The following WDFY3 variants were observed in gnomAD, a reference collection of about 807,000 sequenced individuals.
WDFY3 encodes the protein WD repeat and FYVE domain containing 3.
In WDFY3, 66 loss-of-function variants were observed where a neutral mutation model predicts 409.6. The observed-to-expected ratio is 0.16, with a 90% CI of 0.13 to 0.20. The LOEUF is 0.20. Among genes scored for constraint, WDFY3 ranks in the 10% least tolerant of loss-of-function variants. The pLI is 1.00. For synonymous variants in WDFY3, 1,521 were observed against 1,537.1 expected (o/e 0.99, Z 0.25); for missense variants, 3,031 against 4,298.1 (o/e 0.71, Z 8.24).
intron 2 of WDFY3, among the ~76,000 whole-genome samples, chr4:84,921,646 ATTTTTTTTTTTTT>A (rs747576197): frequency 7.2e-4 from 57 of 78,682 alleles, no homozygotes; most frequent in African/African-American, 3.1e-3. Context: ...TATTGCTTTC[ATTTTTTTTTTTTT>A]TTTTTTTTTT....
At chr4:84,857,913 C>A (rs548318888) in intron 4 of WDFY3, among the ~76,000 whole-genome samples, 4 of 152,126 alleles carry the variant, frequency 2.6e-5, no homozygotes. Context: ...CCTATACAAA[C>A]CTCAATCTCA....
At chr4:84,708,771 G>T (rs368783912) in intron 53 of WDFY3, 138 bp downstream of exon 53, 3 of 875,312 alleles carry the variant, frequency 3.4e-6, no homozygotes, top group South Asian at 4.4e-5. Flanking sequence ...AAAATCCTGG[G>T]CTCAAGTGAT....
At chr4:84,862,685 T>C (rs1231957489) in intron 3 of WDFY3, among the ~76,000 whole-genome samples, 1 of 152,026 alleles carries the variant, frequency 6.6e-6, no homozygotes, top group Non-Finnish European at 1.5e-5. Flanking sequence ...CTCCAACACT[T>C]CAAAAAAAAT....
intron 53 of WDFY3, among the ~76,000 whole-genome samples, chr4:84,706,490 T>C (rs537099131): frequency 4.1e-5 from 6 of 146,238 alleles, no homozygotes; most frequent in Admixed American, 2.1e-4. Context: ...TACGATTGAG[T>C]AGGGTCAAAC....
At chr4:84,917,006 G>A (rs901601922) in intron 2 of WDFY3, among the ~76,000 whole-genome samples, 12 of 152,058 alleles carry the variant, frequency 7.9e-5, no homozygotes, top group Middle Eastern at 6.8e-3. Flanking sequence ...TACATGAAAC[G>A]AAGTATATAT....
At chr4:84,705,284 G>A in intron 54 of WDFY3, 110 bp downstream of exon 54, 1 of 799,350 alleles carries the variant, frequency 1.3e-6, no homozygotes, top group Non-Finnish European at 2.1e-6. Flanking sequence ...AATACATATA[G>A]ATATGATATA....
At chr4:84,812,425 T>C (rs1752657311) in intron 13 of WDFY3, among the ~76,000 whole-genome samples, 1 of 152,106 alleles carries the variant, frequency 6.6e-6, no homozygotes, top group African/African-American at 2.4e-5. Context: ...GGGGTCATAT[T>C]CTGACTCCAA....
At chr4:84,774,030 A>G (rs1000215608) in intron 29 of WDFY3, among the ~76,000 whole-genome samples, 10 of 152,186 alleles carry the variant, frequency 6.6e-5, no homozygotes, top group Non-Finnish European at 1.3e-4. Flanking sequence ...CCCCAGGTTT[A>G]AAAATATGTT....
intron 49 of WDFY3, 101 bp from the exon 50 acceptor site, chr4:84,715,484 T>C (rs2149038801): frequency 2.7e-6 from 2 of 742,824 alleles, no homozygotes; most frequent in Middle Eastern, 3.4e-4. Flanking sequence ...GTTCAAGAAG[T>C]TAATCTGCGG....
intron 53 of WDFY3, among the ~76,000 whole-genome samples, chr4:84,707,753 C>T (rs983945225): frequency 5.3e-5 from 8 of 152,216 alleles, no homozygotes; most frequent in Admixed American, 5.2e-4. Flanking sequence ...TCAATCTTTA[C>T]TCCTGAGCTC....
At chr4:84,908,735 C>G (rs1271999215) in intron 2 of WDFY3, among the ~76,000 whole-genome samples, 1 of 152,088 alleles carries the variant, frequency 6.6e-6, no homozygotes, top group Non-Finnish European at 1.5e-5. Context: ...TATTACCTCT[C>G]CTTGAATATC....
intron 1 of WDFY3, among the ~76,000 whole-genome samples, chr4:84,945,144 A>T (rs1198231617): frequency 6.6e-6 from 1 of 152,214 alleles, no homozygotes; most frequent in East Asian, 1.9e-4. Flanking sequence ...CCCACATCAC[A>T]GACCAACTCA....
At chr4:84,921,646 A>AT (rs747576197) in intron 2 of WDFY3, among the ~76,000 whole-genome samples, 8,712 of 78,700 alleles carry the variant, frequency 0.11, 2,522 homozygotes, top group African/African-American at 0.13. Flanking sequence ...TATTGCTTTC[A>AT]TTTTTTTTTT....
chr4:84,696,963 T>C, intron 56 of WDFY3, 140 bp from the exon 57 acceptor site: 2 of 661,570 alleles, frequency 3.0e-6, no homozygotes, highest in Non-Finnish European at 5.1e-6. Flanking sequence ...ACTTCAGAGA[T>C]TATCAACTCT....
At chr4:84,899,085 G>A (rs1766013420) in intron 2 of WDFY3, among the ~76,000 whole-genome samples, 1 of 152,194 alleles carries the variant, frequency 6.6e-6, no homozygotes, top group South Asian at 2.1e-4. Flanking sequence ...ACGATCAACT[G>A]TCTAATTGAT....
intron 2 of WDFY3, among the ~76,000 whole-genome samples, chr4:84,904,969 C>G (rs1180843123): frequency 6.7e-6 from 1 of 149,774 alleles, no homozygotes; most frequent in Non-Finnish European, 1.5e-5. Context: ...TGGGGCCCAG[C>G]TGTCTTTTCT....
intron 37 of WDFY3, among the ~76,000 whole-genome samples, chr4:84,743,336 A>T (rs1335956401): frequency 6.6e-6 from 1 of 152,190 alleles, no homozygotes; most frequent in Non-Finnish European, 1.5e-5. Context: ...ACATACATAT[A>T]CCTATGACCT....
In WDFY3 at chr4:84,678,179, C is replaced by T; in HGVS notation, c.10248G>A (p.Leu3416=). ...DNAHPAEVTA[L]GISKDHSRIL... ...AGCCTGACACTTACTTGGAGATGCCCAAGGCAGTGACCTCAGCTGGGTGTG... is the reference window on the plus strand; with the variant it reads ...AGCCTGACACTTACTTGGAGATGCCTAAGGCAGTGACCTCAGCTGGGTGTG... The change falls in exon 66 of 68, where the codon TTG becomes TTA. Residue 3416 remains leucine, a synonymous_variant. Transcript: ENST00000295888. The T allele has an allele frequency of 6.2e-7, 1 of 1,613,880 alleles. No individual in the cohort carries two copies. Among genetic ancestry groups the T allele is most frequent in the Non-Finnish European group, 8.5e-7 (1 of 1,179,890 alleles).
rs1236987603 is a variant in WDFY3 at position 84,737,200 on chromosome 4, G to A, written c.6741C>T (p.Cys2247=). The change falls in exon 41 of 68, where the codon TGC becomes TGT. Residue 2247 remains cysteine (C), a synonymous_variant. Transcript: ENST00000295888. ...RPLIEEAALK[C]WQNHLAHEKK... ...AGGCCTTACCCAAATGATTCTGCCA[G>A]CACTTCAGGGCAGCTTCTTCAATGA... 3.1e-6 allele frequency: 5 copies of A among 1,614,100 alleles called. No homozygotes were observed. Among genetic ancestry groups the A allele is most frequent in the Non-Finnish European group, 4.2e-6 (5 of 1,180,000 alleles).
Sources: gnomAD v4.1 joint callset for allele counts (sites outside exome capture counted in the v4.1 genomes callset) on GRCh38, gnomAD v4.1.1 for gene constraint, MANE v1.5 for transcripts, NCBI Gene and HGNC (gene_info 2026-07-23, HGNC 2026-07-21) for gene names.